Variants in INSYN2B observed in about 807,000 individuals in gnomAD.
The protein encoded by INSYN2B is inhibitory synaptic factor family member 2B.
A neutral mutation model predicts 41.2 loss-of-function variants in INSYN2B; 16 were observed. The observed-to-expected ratio is 0.39, with a 90% CI of 0.26 to 0.59. INSYN2B has a LOEUF of 0.59. Ranked by LOEUF, INSYN2B falls within the 20% of genes least tolerant of loss-of-function variation. The pLI is 0.57. For synonymous variants in INSYN2B, 245 were observed against 244.4 expected (o/e 1.00, Z -0.02); for missense variants, 608 against 646.4 (o/e 0.94, Z 0.64).
At chr5:169,880,112 CT>C (rs1160469852) in intron 3 of INSYN2B, among the ~76,000 whole-genome samples, 1 of 152,186 alleles carries the variant, frequency 6.6e-6, no homozygotes, top group Non-Finnish European at 1.5e-5. Context: ...GATGAAACTT[CT>C]GCTTAGGCTT....
chr5:169,964,531 G>A (rs1442234496), intron 1 of INSYN2B, among the ~76,000 whole-genome samples: 3 of 152,252 alleles, frequency 2.0e-5, no homozygotes, highest in Non-Finnish European at 4.4e-5. Context: ...TGCTGGAATA[G>A]AAACCCAGCA....
In INSYN2B at chr5:169,978,393, G is replaced by GGC. The variant is rs1561863710; in HGVS notation, c.-919+1883_-919+1884insGC. ...TCTGTGTATGTGTGTGTGTGTGTGT[G>GGC]GGGGGGGGGGGGTGTAGGTGTGTTT... On this transcript the variant is annotated intron_variant, in intron 1 of 3. Coordinates refer to ENST00000377365, the MANE Select transcript of INSYN2B (RefSeq NM_001129891.3). Among the ~76,000 whole-genome samples the GGC allele has an allele frequency of 1.4e-3, 60 of 43,896 alleles. 1 individual carries two copies. The highest frequency in any genetic ancestry group is 0.015 in the Middle Eastern group (1 of 68). The allele number at this position is 43,896 out of a possible 152,430, so 28.8% of individuals were successfully genotyped here.
At chr5:169,908,147 A>G (rs1774396971) in intron 1 of INSYN2B, among the ~76,000 whole-genome samples, 1 of 152,162 alleles carries the variant, frequency 6.6e-6, no homozygotes, top group South Asian at 2.1e-4. Flanking sequence ...GTTCAAGTTC[A>G]CTAATGCCAG....
At chr5:169,897,935 G>A (rs1773707890) in intron 1 of INSYN2B, among the ~76,000 whole-genome samples, 1 of 152,160 alleles carries the variant, frequency 6.6e-6, no homozygotes, top group Non-Finnish European at 1.5e-5. Context: ...TTCCTACAAA[G>A]CTGCTCCCCT....
chr5:169,939,817 C>T (rs1160728372), intron 1 of INSYN2B, among the ~76,000 whole-genome samples: 6 of 152,104 alleles, frequency 3.9e-5, no homozygotes, highest in Non-Finnish European at 5.9e-5. Flanking sequence ...AAAAGTCAAC[C>T]TAGAGTTAGC....
At chr5:169,951,127 C>G (rs1581463209) in intron 1 of INSYN2B, among the ~76,000 whole-genome samples, 1 of 152,192 alleles carries the variant, frequency 6.6e-6, no homozygotes, top group Non-Finnish European at 1.5e-5. Context: ...CCCTTTCCCT[C>G]CCTGGCTGCT....
intron 1 of INSYN2B, among the ~76,000 whole-genome samples, chr5:169,979,990 G>T (rs918862154): frequency 3.3e-5 from 5 of 152,074 alleles, no homozygotes; most frequent in Admixed American, 1.3e-4. Flanking sequence ...GCAATTCCAG[G>T]CAACTTGAGA....
intron 1 of INSYN2B, among the ~76,000 whole-genome samples, chr5:169,925,203 A>C (rs551328626): frequency 2.0e-5 from 3 of 152,212 alleles, no homozygotes; most frequent in Non-Finnish European, 4.4e-5. Context: ...GGACTAGTTC[A>C]GTCAGGCAGC....
At chr5:169,908,374 T>C (rs1774406338) in intron 1 of INSYN2B, among the ~76,000 whole-genome samples, 1 of 152,164 alleles carries the variant, frequency 6.6e-6, no homozygotes, top group Non-Finnish European at 1.5e-5. Context: ...CATATAGGCA[T>C]ACTCATACAT....
chr5:169,886,463 C>T (rs980658558), intron 1 of INSYN2B, among the ~76,000 whole-genome samples: 8 of 152,204 alleles, frequency 5.3e-5, no homozygotes, highest in African/African-American at 1.9e-4. Context: ...ATCCTTTCTG[C>T]ATCTTCCTCC....
chr5:169,933,621 C>T (rs558197377), intron 1 of INSYN2B, among the ~76,000 whole-genome samples: 6 of 152,296 alleles, frequency 3.9e-5, no homozygotes, highest in African/African-American at 1.4e-4. Context: ...TTCCTTCGTT[C>T]GGCCTCCTTC....
At chr5:169,906,100 C>T (rs1243660009) in intron 1 of INSYN2B, among the ~76,000 whole-genome samples, 1 of 152,166 alleles carries the variant, frequency 6.6e-6, no homozygotes, top group Admixed American at 6.5e-5. Flanking sequence ...CTAAGAGTTA[C>T]CAAACGGTCC....
rs1034433596 is a variant in INSYN2B at position 169,861,547 on chromosome 5, A to G, written c.*2726T>C. ...GTCTTTTTCCTTTCAATTTTATAAA[A>G]GTAATTTTTGCTAAGTTAATATCTC... On this transcript the variant is annotated 3_prime_UTR_variant, in exon 4 of 4. Transcript: ENST00000377365. Among the ~76,000 whole-genome samples the G allele has an allele frequency of 4.6e-5, 7 of 152,244 alleles. No individual in the cohort carries two copies. The highest frequency in any genetic ancestry group is 1.0e-4 in the Non-Finnish European group (7 of 68,042).
intron 3 of INSYN2B, among the ~76,000 whole-genome samples, chr5:169,865,080 T>A (rs1771457402): frequency 6.6e-6 from 1 of 152,238 alleles, no homozygotes; most frequent in African/African-American, 2.4e-5. Flanking sequence ...CTTCAAGATA[T>A]ATCTTGGAGA....
intron 1 of INSYN2B, among the ~76,000 whole-genome samples, chr5:169,920,302 T>G (rs1217345213): frequency 1.3e-5 from 2 of 152,206 alleles, no homozygotes; most frequent in Non-Finnish European, 2.9e-5. Flanking sequence ...TATAATATTA[T>G]GTAAGATGTA....
intron 1 of INSYN2B, among the ~76,000 whole-genome samples, chr5:169,979,261 TA>T: frequency 6.6e-6 from 1 of 152,338 alleles, no homozygotes; most frequent in Non-Finnish European, 1.5e-5. Flanking sequence ...TAGGGCTGTC[TA>T]AGTTGCTAGG....
chr5:169,939,948 A>G (rs970850213), intron 1 of INSYN2B, among the ~76,000 whole-genome samples: 1 of 152,170 alleles, frequency 6.6e-6, no homozygotes, highest in African/African-American at 2.4e-5. Flanking sequence ...TGAGTGTTTA[A>G]GTGTCTTGCT....
intron 1 of INSYN2B, among the ~76,000 whole-genome samples, chr5:169,925,065 T>G (rs1775361710): frequency 6.6e-6 from 1 of 152,196 alleles, no homozygotes; most frequent in Non-Finnish European, 1.5e-5. Context: ...TTTTTAATTT[T>G]TCTTTCTCTA....
intron 1 of INSYN2B, among the ~76,000 whole-genome samples, chr5:169,889,333 T>C (rs981028596): frequency 9.2e-5 from 14 of 152,332 alleles, no homozygotes; most frequent in Non-Finnish European, 1.9e-4. Context: ...TACGGCAGCT[T>C]TAATTTGGTT....
Sources: allele counts gnomAD v4.1 joint callset (sites outside exome capture counted in the v4.1 genomes callset), GRCh38; gene constraint gnomAD v4.1.1; transcripts MANE v1.5; gene names NCBI Gene and HGNC (gene_info 2026-07-23, HGNC 2026-07-21).